The following TENM4 variants were observed in gnomAD, a reference collection of about 807,000 sequenced individuals.
TENM4 encodes teneurin transmembrane protein 4.
A neutral mutation model predicts 243.3 loss-of-function variants in TENM4; 82 were observed. That is an observed-to-expected ratio of 0.34 (90% CI 0.28 to 0.40). TENM4 has a LOEUF of 0.40. Among genes scored for constraint, TENM4 ranks in the 10% least tolerant of loss-of-function variants. TENM4 has a pLI of 1.00. For synonymous variants in TENM4, 1,412 were observed against 1,456.3 expected (o/e 0.97, Z 0.69); for missense variants, 3,138 against 3,673.3 (o/e 0.85, Z 3.77).
chr11:78,731,185 G>C (rs1855659181), intron 21 of TENM4, among the ~76,000 whole-genome samples: 1 of 152,126 alleles, frequency 6.6e-6, no homozygotes, highest in Admixed American at 6.5e-5. Context: ...CCTGCTCCTG[G>C]GAAAAATGTC....
rs796898751 is a variant in TENM4, at chr11:78,736,479, T to TGTGTGTGCGC, written c.2876+1971_2876+1972insGCGCACACAC. ...GTGTGTGTGTGTGTGTGTGTGTGTGTGCGCGCGCGTGCATGTGAGTAGGGG... is the reference window on the plus strand; with the variant it reads ...GTGTGTGTGTGTGTGTGTGTGTGTGTGTGTGTGCGCGCGCGCGCGTGCATGTGAGTAGGGG... On this transcript the variant is annotated intron_variant, in intron 20 of 33. Transcript: ENST00000278550. 6.1e-3 allele frequency among the ~76,000 whole-genome samples: 607 copies of TGTGTGTGCGC among 99,370 alleles called. 6 individuals are homozygous for TGTGTGTGCGC. The highest frequency in any genetic ancestry group is 0.017 in the African/African-American group (568 of 33,862). The allele number at this position is 99,370 out of a possible 152,430, so 65.2% of individuals were successfully genotyped here.
chr11:79,339,259 C>T (rs774313555), intron 1 of TENM4, among the ~76,000 whole-genome samples: 42 of 152,334 alleles, frequency 2.8e-4, no homozygotes, highest in Non-Finnish European at 4.9e-4. Context: ...AGACAAATCA[C>T]TTGAATTCTG....
intron 4 of TENM4, among the ~76,000 whole-genome samples, chr11:79,135,720 C>G (rs1862095051): frequency 8.0e-6 from 1 of 124,370 alleles, no homozygotes; most frequent in East Asian, 2.4e-4. Context: ...CATATATGAT[C>G]ATACATATAT....
At chr11:79,257,528 CT>C (rs1426682846) in intron 2 of TENM4, among the ~76,000 whole-genome samples, 1 of 152,184 alleles carries the variant, frequency 6.6e-6, no homozygotes, top group African/African-American at 2.4e-5. Flanking sequence ...TACTGATCCA[CT>C]TGCTTCTTTT....
At chr11:79,101,024 A>G (rs1861217435) in intron 4 of TENM4, among the ~76,000 whole-genome samples, 1 of 151,974 alleles carries the variant, frequency 6.6e-6, no homozygotes. Context: ...AGGGTTGCAA[A>G]GCATCCAGGA....
chr11:79,022,332 C>T (rs916434368), intron 6 of TENM4, among the ~76,000 whole-genome samples: 8 of 152,142 alleles, frequency 5.3e-5, no homozygotes, highest in Admixed American at 4.6e-4. Flanking sequence ...TTTTTCATTC[C>T]GTGACCCTGT....
chr11:79,108,518 T>A (rs1861427786), intron 4 of TENM4, among the ~76,000 whole-genome samples: 1 of 152,146 alleles, frequency 6.6e-6, no homozygotes, highest in Non-Finnish European at 1.5e-5. Flanking sequence ...TATATATATA[T>A]ATGTAGAACA....
At chr11:79,425,716 G>A (rs1348284799) in intron 1 of TENM4, among the ~76,000 whole-genome samples, 4 of 152,198 alleles carry the variant, frequency 2.6e-5, no homozygotes, top group Admixed American at 6.5e-5. Flanking sequence ...ACCTGCTCAC[G>A]TGGCCTTGGC....
At chr11:78,758,193 CT>C (rs1856353889) in intron 18 of TENM4, among the ~76,000 whole-genome samples, 2 of 152,332 alleles carry the variant, frequency 1.3e-5, no homozygotes, top group South Asian at 4.1e-4. Flanking sequence ...TCTGCTGCGT[CT>C]CAGCTGTGTG....
chr11:78,823,394 A>T (rs1857780507), intron 12 of TENM4, among the ~76,000 whole-genome samples: 1 of 152,172 alleles, frequency 6.6e-6, no homozygotes, highest in Non-Finnish European at 1.5e-5. Flanking sequence ...TCTGTGACAC[A>T]GCCCACTGGG....
intron 26 of TENM4, among the ~76,000 whole-genome samples, 196 bp downstream of exon 26, chr11:78,712,284 GAA>G (rs1004029962): frequency 6.6e-6 from 1 of 152,070 alleles, no homozygotes; most frequent in Admixed American, 6.6e-5. Context: ...CAAACACTTT[GAA>G]AAAAGACTAG....
intron 9 of TENM4, among the ~76,000 whole-genome samples, chr11:78,885,756 C>A (rs1016092019): frequency 6.6e-6 from 1 of 152,144 alleles, no homozygotes. Context: ...CATCTCTACA[C>A]ACACACACAA....
At chr11:78,674,991 G>C (rs1590931226) in intron 30 of TENM4, among the ~76,000 whole-genome samples, 1 of 151,862 alleles carries the variant, frequency 6.6e-6, no homozygotes, top group African/African-American at 2.4e-5. Context: ...TCAGCCTCCT[G>C]AGTAGCTAGG....
intron 1 of TENM4, among the ~76,000 whole-genome samples, chr11:79,333,342 C>T (rs1397874031): frequency 6.6e-6 from 1 of 152,242 alleles, no homozygotes; most frequent in Non-Finnish European, 1.5e-5. Flanking sequence ...AACTTCCCCT[C>T]TACTTTGCCA....
intron 2 of TENM4, among the ~76,000 whole-genome samples, chr11:79,285,253 A>T (rs201391993): frequency 1.2e-5 from 1 of 85,678 alleles, no homozygotes; most frequent in Non-Finnish European, 2.7e-5. Flanking sequence ...ATAAATAAAT[A>T]AAAAAAAAGA....
intron 3 of TENM4, among the ~76,000 whole-genome samples, chr11:79,176,265 A>G (rs2135127702): frequency 6.6e-6 from 1 of 152,270 alleles, no homozygotes; most frequent in East Asian, 1.9e-4. Flanking sequence ...TGCATTTCCA[A>G]ACAGTGAGAT....
At chr11:78,891,210 CAGAG>C in intron 8 of TENM4, 24 bp downstream of exon 8, 1 of 1,548,498 alleles carries the variant, frequency 6.5e-7, no homozygotes, top group Non-Finnish European at 8.7e-7. Context: ...AGAGCACACA[CAGAG>C]AGGAGAATGG....
At chr11:79,392,886 T>C (rs1488618522) in intron 1 of TENM4, among the ~76,000 whole-genome samples, 1 of 152,196 alleles carries the variant, frequency 6.6e-6, no homozygotes, top group African/African-American at 2.4e-5. Flanking sequence ...CATGTTAACA[T>C]TCCGAAGGGA....
At chr11:79,014,893 C>T (rs570684431) in intron 6 of TENM4, 1 of 152,444 alleles carries the variant, frequency 6.6e-6, no homozygotes, top group South Asian at 2.1e-4. Flanking sequence ...GATTAATGCT[C>T]TCCTGCCTGG....
Sources: gnomAD v4.1 joint callset for allele counts (sites outside exome capture counted in the v4.1 genomes callset) on GRCh38, gnomAD v4.1.1 for gene constraint, MANE v1.5 for transcripts, NCBI Gene and HGNC (gene_info 2026-07-23, HGNC 2026-07-21) for gene names.